NTM: variants seen among roughly 807,000 people sequenced by gnomAD.
The protein encoded by NTM is IgLON family member 2.
In NTM, 13 loss-of-function variants were observed where a neutral mutation model predicts 42.1. That is an observed-to-expected ratio of 0.31 (90% CI 0.20 to 0.49). The LOEUF (loss-of-function observed/expected upper bound fraction) is 0.49. NTM is among the 20% of genes least tolerant of loss of function. The pLI is 0.99. For missense variants in NTM, 373 were observed against 452.8 expected (o/e 0.82, Z 1.60); for synonymous variants, 187 against 179.2 (o/e 1.04, Z -0.35).
At chr11:131,977,930 A>C (rs1169144344) in intron 2 of NTM, among the ~76,000 whole-genome samples, 2 of 152,322 alleles carry the variant, frequency 1.3e-5, no homozygotes, top group Non-Finnish European at 2.9e-5. Flanking sequence ...TGAAGAGAAA[A>C]AGAAAGTTGC....
chr11:132,191,300 C>T (rs375920270), intron 3 of NTM, among the ~76,000 whole-genome samples: 2 of 152,280 alleles, frequency 1.3e-5, no homozygotes, highest in Admixed American at 6.5e-5. Flanking sequence ...GATCTGGGAG[C>T]ACCTCGCTCC....
intron 4 of NTM, among the ~76,000 whole-genome samples, chr11:132,281,489 C>T (rs991023145): frequency 6.6e-6 from 1 of 152,212 alleles, no homozygotes; most frequent in Non-Finnish European, 1.5e-5. Flanking sequence ...AACATTTGTT[C>T]ATCTTCAAAT....
At chr11:132,147,214 T>TGAGAGAGA (rs113704092) in intron 3 of NTM, among the ~76,000 whole-genome samples, 9 of 122,822 alleles carry the variant, frequency 7.3e-5, no homozygotes, top group Admixed American at 1.7e-4. Flanking sequence ...TGTGTGTGTG[T>TGAGAGAGA]GAGAGAGAGA....
intron 1 of NTM, among the ~76,000 whole-genome samples, chr11:131,434,869 C>T (rs1948993778): frequency 6.6e-6 from 1 of 152,180 alleles, no homozygotes; most frequent in Non-Finnish European, 1.5e-5. Flanking sequence ...TCGCCCATGC[C>T]TATGTCCTGA....
At chr11:131,752,235 A>G (rs2082651439) in intron 1 of NTM, among the ~76,000 whole-genome samples, 2 of 152,228 alleles carry the variant, frequency 1.3e-5, no homozygotes, top group Non-Finnish European at 2.9e-5. Context: ...GAAGGATATG[A>G]ACAGACACTT....
chr11:132,143,700 C>A (rs1253158635), intron 2 of NTM, among the ~76,000 whole-genome samples: 3 of 152,138 alleles, frequency 2.0e-5, no homozygotes, highest in Non-Finnish European at 4.4e-5. Context: ...AGTGGCCACC[C>A]TTCAGATTAT....
intron 4 of NTM, among the ~76,000 whole-genome samples, chr11:132,261,088 G>T (rs577896238): frequency 6.6e-6 from 1 of 152,276 alleles, no homozygotes; most frequent in Admixed American, 6.5e-5. Context: ...TGAAGGTGAC[G>T]CAGGTCACTC....
intron 1 of NTM, among the ~76,000 whole-genome samples, chr11:131,878,836 T>G (rs1019157068): frequency 6.6e-6 from 1 of 151,734 alleles, no homozygotes; most frequent in African/African-American, 2.4e-5. Flanking sequence ...TAACGATGAC[T>G]CTCTCTTAAA....
intron 2 of NTM, among the ~76,000 whole-genome samples, chr11:131,989,369 T>G (rs938124087): frequency 2.0e-5 from 3 of 152,216 alleles, no homozygotes; most frequent in African/African-American, 7.2e-5. Flanking sequence ...ATTGGTGTGT[T>G]TAATCATGTT....
intron 1 of NTM, among the ~76,000 whole-genome samples, chr11:131,696,130 T>C (rs2075412917): frequency 6.6e-6 from 1 of 152,188 alleles, no homozygotes; most frequent in Non-Finnish European, 1.5e-5. Flanking sequence ...GGGCGAATTG[T>C]ACTTGGGACA....
At chr11:131,739,401 TAATG>T (rs1373692277) in intron 1 of NTM, among the ~76,000 whole-genome samples, 1 of 152,178 alleles carries the variant, frequency 6.6e-6, no homozygotes, top group African/African-American at 2.4e-5. Flanking sequence ...GTGAGGATAA[TAATG>T]GCTCCCTTGA....
chr11:132,231,011 C>T (rs551555214), intron 4 of NTM, among the ~76,000 whole-genome samples: 2 of 152,320 alleles, frequency 1.3e-5, no homozygotes, highest in East Asian at 3.9e-4. Flanking sequence ...CACCTTGTCT[C>T]TCATAATAAT....
At chr11:132,166,966 A>T (rs73595468) in intron 3 of NTM, among the ~76,000 whole-genome samples, 1 of 152,072 alleles carries the variant, frequency 6.6e-6, no homozygotes, top group Non-Finnish European at 1.5e-5. Flanking sequence ...TCAAGCTAAG[A>T]TTTCTCCCTG....
chr11:131,851,905 A>G (rs577887923), intron 1 of NTM, among the ~76,000 whole-genome samples: 6 of 152,164 alleles, frequency 3.9e-5, no homozygotes, highest in Admixed American at 2.0e-4. Context: ...TGTCATTTTC[A>G]TAAAGAGTTC....
At chr11:132,271,905 AT>A in intron 4 of NTM, among the ~76,000 whole-genome samples, 1 of 152,140 alleles carries the variant, frequency 6.6e-6, no homozygotes, top group Admixed American at 6.6e-5. Context: ...CAACTTATAC[AT>A]TTTTTGTTGC....
chr11:131,678,922 G>A (rs943415168), intron 1 of NTM, among the ~76,000 whole-genome samples: 1 of 152,206 alleles, frequency 6.6e-6, no homozygotes, highest in African/African-American at 2.4e-5. Context: ...CGGCTAACAC[G>A]TCCGTCTTCT....
chr11:131,707,974 T>C (rs2076752274), intron 1 of NTM, among the ~76,000 whole-genome samples: 1 of 152,102 alleles, frequency 6.6e-6, no homozygotes, highest in African/African-American at 2.4e-5. Context: ...GAAGTAAAAT[T>C]GCCTCTCTTT....
intron 1 of NTM, among the ~76,000 whole-genome samples, chr11:131,619,406 G>A (rs2137632186): frequency 6.6e-6 from 1 of 152,300 alleles, no homozygotes; most frequent in Non-Finnish European, 1.5e-5. Context: ...TAGTAACACT[G>A]AGGCTAGGAC....
At chr11:132,321,627 T>C (rs2095570626) in intron 7 of NTM, among the ~76,000 whole-genome samples, 1 of 152,054 alleles carries the variant, frequency 6.6e-6, no homozygotes, top group Non-Finnish European at 1.5e-5. Context: ...CAGGAGAATT[T>C]CCCCAATCTA....
Sources: gnomAD v4.1 joint callset for allele counts (sites outside exome capture counted in the v4.1 genomes callset) on GRCh38, gnomAD v4.1.1 for gene constraint, MANE v1.5 for transcripts, NCBI Gene and HGNC (gene_info 2026-07-23, HGNC 2026-07-21) for gene names.